The following NXPH1 variants were observed in gnomAD, a reference collection of about 807,000 sequenced individuals.
The protein encoded by NXPH1 is neurexophilin-1.
NXPH1 carries 5 observed loss-of-function variants against 23.7 expected under a neutral mutation model. That is an observed-to-expected ratio of 0.21 (90% confidence interval 0.11 to 0.44). The LOEUF (loss-of-function observed/expected upper bound fraction) is 0.44, where lower values mean the gene tolerates loss of function less well. NXPH1 is among the 20% of genes least tolerant of loss of function. The pLI is 0.99. For missense variants in NXPH1, 324 were observed against 321.6 expected, an observed-to-expected ratio of 1.01 and a Z score of -0.06; for synonymous variants, 144 against 122.2, an observed-to-expected ratio of 1.18 and a Z score of -1.18.
At chr7:8,579,648 A>G (rs1415536415) in intron 2 of NXPH1, among the ~76,000 whole-genome samples, 2 of 152,342 alleles carry the variant, frequency 1.3e-5, no homozygotes, top group East Asian at 3.9e-4. Flanking sequence ...CTGGGATTAT[A>G]GGCGTGAGCC....
intron 2 of NXPH1, among the ~76,000 whole-genome samples, chr7:8,743,823 A>G (rs1780421522): frequency 6.6e-6 from 1 of 151,752 alleles, no homozygotes; most frequent in East Asian, 1.9e-4. Flanking sequence ...AGCTGGGACC[A>G]CAGGCACCCA....
rs1054540811 is a variant in NXPH1 at position 8,442,864 on chromosome 7, T to C, written c.54+7097T>C. Among the ~76,000 whole-genome samples, 3 of 152,296 alleles carry C rather than the reference T, an allele frequency of 2.0e-5. No homozygotes were observed. Among genetic ancestry groups the C allele is most frequent in the African/African-American group, 7.2e-5 (3 of 41,576 alleles). ...TCGACGCCACCAAGCTTCGGTGCTT[T>C]TGGGACAGCGGGCTGGATAGCGGCA... On this transcript the variant is annotated intron_variant, in intron 2 of 2. Transcript: ENST00000405863. This position sits in a 1 kb window ranked among gnomAD's most constrained non-coding sequence, Gnocchi z 4.6.
intron 2 of NXPH1, among the ~76,000 whole-genome samples, chr7:8,648,552 A>T (rs1820433408): frequency 6.6e-6 from 1 of 152,138 alleles, no homozygotes; most frequent in Admixed American, 6.6e-5. Context: ...CATTTTCTTT[A>T]TTCATTCATC....
At chr7:8,564,253 C>A (rs1158062815) in intron 2 of NXPH1, among the ~76,000 whole-genome samples, 1 of 151,730 alleles carries the variant, frequency 6.6e-6, no homozygotes, top group Non-Finnish European at 1.5e-5. Flanking sequence ...AGATTCAAGC[C>A]AATTGCAAAA....
At chr7:8,683,686 T>C (rs1035547330) in intron 2 of NXPH1, among the ~76,000 whole-genome samples, 19 of 152,168 alleles carry the variant, frequency 1.2e-4, no homozygotes, top group African/African-American at 4.3e-4. Flanking sequence ...CAAAAGTAAT[T>C]GCATTTTTTT....
chr7:8,592,588 T>C lies in NXPH1; in HGVS notation c.54+156821T>C, dbSNP rs79243754. On this transcript the variant is annotated intron_variant, in intron 2 of 2. Transcript: ENST00000405863. ...TGTTAACCATTTTATTCATATTATT[T>C]CTTTTAATTCACTAAAGCAGAAATC... Among the ~76,000 whole-genome samples, 245 of 152,130 alleles carry C rather than the reference T, an allele frequency of 1.6e-3. 5 individuals are homozygous for C. The East Asian group carries it at 0.043, about 27-fold the overall frequency.
intron 2 of NXPH1, among the ~76,000 whole-genome samples, chr7:8,471,974 A>G (rs145989165): frequency 0.026 from 3,886 of 151,694 alleles, 77 homozygotes; most frequent in Middle Eastern, 0.044. Context: ...TATTTTTTTG[A>G]TATCCTACAC....
chr7:8,733,439 C>T (rs1253387075), intron 2 of NXPH1, among the ~76,000 whole-genome samples: 1 of 152,158 alleles, frequency 6.6e-6, no homozygotes, highest in African/African-American at 2.4e-5. Context: ...GGTTCTAGAT[C>T]CTTGAGGAAT....
chr7:8,505,191 C>T (rs529793302), intron 2 of NXPH1, among the ~76,000 whole-genome samples: 1 of 152,182 alleles, frequency 6.6e-6, no homozygotes, highest in East Asian at 1.9e-4. Context: ...TGACCTACTG[C>T]TGGCTTGATA....
intron 2 of NXPH1, among the ~76,000 whole-genome samples, chr7:8,508,534 A>T (rs1466087041): frequency 6.6e-6 from 1 of 152,082 alleles, no homozygotes; most frequent in African/African-American, 2.4e-5. Flanking sequence ...CAGCCTGGGG[A>T]GATAGTGTGT....
chr7:8,528,080 G>C (rs989189403), intron 2 of NXPH1, among the ~76,000 whole-genome samples: 1 of 152,210 alleles, frequency 6.6e-6, no homozygotes, highest in Non-Finnish European at 1.5e-5. Flanking sequence ...CACAATAACC[G>C]ATGGTTCGAA....
intron 2 of NXPH1, among the ~76,000 whole-genome samples, chr7:8,746,421 T>A (rs1031673315): frequency 9.2e-5 from 14 of 152,326 alleles, no homozygotes; most frequent in Non-Finnish European, 1.6e-4. Context: ...ACTTGAAGCC[T>A]TTCCCATTAT....
chr7:8,500,181 T>C (rs1291279654), intron 2 of NXPH1, among the ~76,000 whole-genome samples: 1 of 152,072 alleles, frequency 6.6e-6, no homozygotes, highest in African/African-American at 2.4e-5. Context: ...ATGACAAGGC[T>C]TTTTGGTGTC....
chr7:8,570,540 A>G (rs1347182505), intron 2 of NXPH1, among the ~76,000 whole-genome samples: 1 of 152,032 alleles, frequency 6.6e-6, no homozygotes, highest in Non-Finnish European at 1.5e-5. Context: ...GAAGGCACCC[A>G]ATTGTGGGAA....
intron 2 of NXPH1, among the ~76,000 whole-genome samples, chr7:8,510,804 A>G (rs1347796637): frequency 6.6e-6 from 1 of 152,134 alleles, no homozygotes; most frequent in African/African-American, 2.4e-5. Context: ...GGATTAGTAT[A>G]TATTTAAGGC....
chr7:8,654,743 A>T (rs184890984), intron 2 of NXPH1, among the ~76,000 whole-genome samples: 1 of 152,122 alleles, frequency 6.6e-6, no homozygotes, highest in African/African-American at 2.4e-5. Flanking sequence ...TAGGTGGGAC[A>T]CCCCTGCCTG....
chr7:8,486,060 G>A (rs1817154137), intron 2 of NXPH1, among the ~76,000 whole-genome samples: 1 of 152,058 alleles, frequency 6.6e-6, no homozygotes, highest in South Asian at 2.1e-4. Flanking sequence ...ACATATGATG[G>A]GATTTGAGGT....
At chr7:8,607,764 A>G (rs1819525958) in intron 2 of NXPH1, among the ~76,000 whole-genome samples, 1 of 152,224 alleles carries the variant, frequency 6.6e-6, no homozygotes, top group African/African-American at 2.4e-5. Context: ...TGTTCCCCAA[A>G]AAGATCTGTT....
intron 2 of NXPH1, among the ~76,000 whole-genome samples, chr7:8,455,882 C>G (rs932224651): frequency 1.3e-5 from 2 of 152,180 alleles, no homozygotes; most frequent in African/African-American, 4.8e-5. Flanking sequence ...GGGTTTTCTT[C>G]CCATGTGTCC....
Sources: gnomAD v4.1 joint callset for allele counts (sites outside exome capture counted in the v4.1 genomes callset) on GRCh38, gnomAD v4.1.1 for gene constraint, Gnocchi (gnomAD v3.1) non-coding constraint, MANE v1.5 for transcripts, NCBI Gene and HGNC (gene_info 2026-07-23, HGNC 2026-07-21) for gene names.